ITPR1: variants seen among roughly 807,000 people sequenced by gnomAD.
The protein encoded by ITPR1 is inositol 1,4,5-trisphosphate-gated calcium channel ITPR1.
Under a neutral mutation model 318.4 loss-of-function variants are expected in ITPR1, and 96 were observed. The observed-to-expected ratio is 0.30, with a 90% CI of 0.26 to 0.36. The LOEUF (loss-of-function observed/expected upper bound fraction) is 0.36, where lower values mean the gene tolerates loss of function less well. ITPR1 is among the 10% of genes least tolerant of loss of function. ITPR1 has a pLI of 1.00. For synonymous variants in ITPR1, 1,312 were observed against 1,289.9 expected, an observed-to-expected ratio of 1.02 and a Z score of -0.37; for missense variants, 2,440 against 3,460.2, an observed-to-expected ratio of 0.71 and a Z score of 7.40.
At chr3:4,640,401 A>T (rs552021231) in intron 6 of ITPR1, among the ~76,000 whole-genome samples, 1 of 150,968 alleles carries the variant, frequency 6.6e-6, no homozygotes, top group East Asian at 1.9e-4. Context: ...CTGCTTGAAG[A>T]TTAGATCCTG....
rs1248925543 is a variant in ITPR1, at chr3:4,727,208, A to G, written c.5220+35A>G. 6.6e-6 allele frequency: 10 copies of G among 1,517,800 alleles called. No individual in the cohort carries two copies. The East Asian group carries it at 1.8e-4, about 28-fold the overall frequency. The allele number at this position is 1,517,800 out of a possible 1,614,324, so 94.0% of individuals were successfully genotyped here. ...CTTGAGTCTTGGGTATCGGGAGCTA[A>G]TGATCAATGACCGTAACACCTCCAT... is the stretch of plus-strand genomic sequence containing the variant. On this transcript the variant is annotated intron_variant, in intron 42 of 61. Coordinates refer to ENST00000649015, the MANE Select transcript of ITPR1 (RefSeq NM_001378452.1).
At chr3:4,663,988 T>TGTCTG (rs1481908844) in intron 16 of ITPR1, among the ~76,000 whole-genome samples, 1 of 152,198 alleles carries the variant, frequency 6.6e-6, no homozygotes, top group East Asian at 1.9e-4. Flanking sequence ...GATAGTTCAG[T>TGTCTG]TCAATTGATT....
chr3:4,732,284 T>C (rs1021312928), intron 42 of ITPR1, among the ~76,000 whole-genome samples: 5 of 152,168 alleles, frequency 3.3e-5, no homozygotes, highest in Non-Finnish European at 7.4e-5. Context: ...TTTATATTTT[T>C]AAAAAATTTT....
Position 4,802,402 on chromosome 3 carries a change from G to A in ITPR1, c.7107+1802G>A, listed in dbSNP as rs188878494. Among the ~76,000 whole-genome samples the A allele has an allele frequency of 2.2e-3, 342 of 152,304 alleles. 1 individual carries two copies. Among genetic ancestry groups the A allele is most frequent in the African/African-American group, 7.9e-3 (330 of 41,558 alleles). On this transcript the variant is annotated intron_variant, in intron 54 of 61. Transcript: ENST00000649015. ...TGCATTCAGTATGGCTTGTTATGTG[G>A]ATTCATCAGGAGGGACTAGAGGCAA...
chr3:4,637,547 G>A (rs2093226855), intron 5 of ITPR1, among the ~76,000 whole-genome samples: 1 of 152,226 alleles, frequency 6.6e-6, no homozygotes, highest in Non-Finnish European at 1.5e-5. Context: ...TTCTGAATGT[G>A]TCTTGCACCC....
chr3:4,713,571 C>T (rs777805713), intron 39 of ITPR1, among the ~76,000 whole-genome samples: 1 of 152,120 alleles, frequency 6.6e-6, no homozygotes, highest in Non-Finnish European at 1.5e-5. Context: ...CTGCCCCTAC[C>T]CATTAGTGCC....
intron 60 of ITPR1, among the ~76,000 whole-genome samples, chr3:4,828,956 AAAGG>A (rs2050257337): frequency 6.6e-6 from 1 of 152,232 alleles, no homozygotes; most frequent in African/African-American, 2.4e-5. Flanking sequence ...CCAAAGAAAG[AAAGG>A]AACTATCTTT....
Position 4,617,697 on chromosome 3 carries a change from A to T in ITPR1, c.164-10066A>T, listed in dbSNP as rs200466127. ...CCAAAAGGTGGTTAAAAAAATTGAA[A>T]TATTGGCTGGGCTTGGTGGCACATG... On this transcript the variant is annotated intron_variant, in intron 4 of 61. Transcript: ENST00000649015. 2.1e-4 allele frequency among the ~76,000 whole-genome samples: 32 copies of T among 152,240 alleles called. No individual in the cohort carries two copies. In the East Asian group the frequency reaches 5.6e-3, roughly 27 times the overall value.
intron 4 of ITPR1, among the ~76,000 whole-genome samples, chr3:4,521,787 C>A (rs73003299): frequency 2.0e-5 from 3 of 152,132 alleles, no homozygotes; most frequent in African/African-American, 7.2e-5. Flanking sequence ...GGAGGATCAC[C>A]TGAGCCTGGG....
Position 4,779,211 on chromosome 3 carries a change from C to A in ITPR1, c.6292-339C>A, listed in dbSNP as rs2046664033. ...GTAGCAGCTTCTTCCCAACCACTGTCACCATGAGGGTGACAGTGTATCCGT... is the reference window on the plus strand; with the variant it reads ...GTAGCAGCTTCTTCCCAACCACTGTAACCATGAGGGTGACAGTGTATCCGT... On this transcript the variant is annotated intron_variant, in intron 48 of 61. Coordinates refer to ENST00000649015, the MANE Select transcript of ITPR1 (RefSeq NM_001378452.1). The surrounding 1 kb of genome is among the most constrained non-coding windows in gnomAD (Gnocchi z 4.0). 2.6e-5 allele frequency among the ~76,000 whole-genome samples: 4 copies of A among 152,270 alleles called. No homozygotes were observed. The South Asian group carries it at 8.3e-4, about 32-fold the overall frequency.
At chr3:4,777,703 G>A (rs2046565802) in intron 48 of ITPR1, among the ~76,000 whole-genome samples, 1 of 151,416 alleles carries the variant, frequency 6.6e-6, no homozygotes, top group Non-Finnish European at 1.5e-5. Flanking sequence ...CAGTGGAAAC[G>A]CCATTCCCTC....
At chr3:4,786,068 G>A (rs2047178986) in intron 51 of ITPR1, among the ~76,000 whole-genome samples, 1 of 152,224 alleles carries the variant, frequency 6.6e-6, no homozygotes, top group African/African-American at 2.4e-5. Context: ...TTCTTGCCAG[G>A]AGGCCTCCTT....
At chr3:4,566,760 C>T (rs1470419036) in intron 4 of ITPR1, among the ~76,000 whole-genome samples, 1 of 152,222 alleles carries the variant, frequency 6.6e-6, no homozygotes, top group Non-Finnish European at 1.5e-5. Flanking sequence ...CTGTAATCAG[C>T]CCAACCTGGG....
intron 36 of ITPR1, 21 bp from the exon 37 acceptor site, chr3:4,706,146 A>G: frequency 6.2e-7 from 1 of 1,613,666 alleles, no homozygotes; most frequent in East Asian, 2.2e-5. Context: ...TAGGCTCACG[A>G]CTCATCTTTC....
chr3:4,805,843 C>T (rs898962943), intron 54 of ITPR1, among the ~76,000 whole-genome samples: 1 of 152,070 alleles, frequency 6.6e-6, no homozygotes, highest in East Asian at 1.9e-4. Flanking sequence ...TTGTTTTTGC[C>T]ATAGAGAAAT....
At chr3:4,503,162 T>C (rs907027921) in intron 2 of ITPR1, among the ~76,000 whole-genome samples, 1 of 132,788 alleles carries the variant, frequency 7.5e-6, no homozygotes. Flanking sequence ...GCATTTCCTT[T>C]TGATAGCTTT....
intron 56 of ITPR1, among the ~76,000 whole-genome samples, chr3:4,812,099 G>A (rs1177260918): frequency 6.7e-6 from 1 of 150,332 alleles, no homozygotes; most frequent in Non-Finnish European, 1.5e-5. Context: ...ATGTGCAGTG[G>A]TATGATTTCA....
intron 11 of ITPR1, among the ~76,000 whole-genome samples, chr3:4,653,041 GA>G (rs2093631775): frequency 6.6e-6 from 1 of 152,202 alleles, no homozygotes. Context: ...AATGCTGAAG[GA>G]CAGGAGGAAT....
rs1358216295 is a variant in ITPR1, at chr3:4,710,444, G to A, written c.4962G>A (p.Arg1654=). The A allele has an allele frequency of 2.6e-6, 4 of 1,554,112 alleles. No homozygotes were observed. Among genetic ancestry groups the A allele is most frequent in the Admixed American group, 2.0e-5 (1 of 51,264 alleles). Residue 1654 remains arginine (R), a synonymous_variant, in exon 38 of 62, where the codon AGG becomes AGA. Transcript: ENST00000649015. This position sits in a 1 kb window ranked among gnomAD's most constrained non-coding sequence, Gnocchi z 4.2. ...LLFPENTDAR[R]KCESGGFICK... Reference sequence around the variant, plus strand: ...TCCCAGAGAACACAGACGCCAGAAGGAAATGTGAAAGTGGCGGTTTCATTT... The same window carrying A: ...TCCCAGAGAACACAGACGCCAGAAGAAAATGTGAAAGTGGCGGTTTCATTT...
Sources: allele counts gnomAD v4.1 joint callset (sites outside exome capture counted in the v4.1 genomes callset), GRCh38; gene constraint gnomAD v4.1.1; non-coding constraint Gnocchi (gnomAD v3.1); transcripts MANE v1.5; gene names NCBI Gene and HGNC (gene_info 2026-07-23, HGNC 2026-07-21).